CYP2J2: variants seen among roughly 807,000 people sequenced by gnomAD.
CYP2J2 encodes the protein cytochrome P450 family 2 subfamily J member 2, also known as cytochrome P450 2J2.
Under a neutral mutation model 48.8 loss-of-function variants are expected in CYP2J2, and 41 were observed. That is an observed-to-expected ratio of 0.84 (90% CI 0.66 to 1.09). The LOEUF is 1.09. CYP2J2 is among the 50% of genes least tolerant of loss of function. The pLI is 0.00. For missense variants in CYP2J2, 644 were observed against 617.3 expected (o/e 1.04, Z -0.46); for synonymous variants, 221 against 227.1 (o/e 0.97, Z 0.24).
chr1:59,924,761 A>C (rs929927764), intron 1 of CYP2J2, among the ~76,000 whole-genome samples: 4 of 152,090 alleles, frequency 2.6e-5, no homozygotes, highest in Non-Finnish European at 5.9e-5. Context: ...GGCATAAAAA[A>C]CAGGAAAAAC....
chr1:59,932,983 T>C, the CYP2J2 span, among the ~76,000 whole-genome samples: 1 of 152,278 alleles, frequency 6.6e-6, no homozygotes, highest in East Asian at 1.9e-4. Flanking sequence ...TTATTCTTAA[T>C]TGATTTAGCA....
chr1:59,904,955 C>T lies in CYP2J2; in HGVS notation c.1107G>A (p.Val369=). Reference sequence around the variant, plus strand: ...GGGGGATGATGTTGCCCATTCTCTGCACCTCATGGATGACAGCATTGGTGT... The same window carrying T: ...GGGGGATGATGTTGCCCATTCTCTGTACCTCATGGATGACAGCATTGGTGT... ...MPYTNAVIHE[V]QRMGNIIPLN... is the part of the protein sequence containing the mutation. The change falls in exon 7 of 9, where the codon GTG becomes GTA. Residue 369 remains valine, a synonymous_variant. Coordinates refer to ENST00000371204, the MANE Select transcript of CYP2J2 (RefSeq NM_000775.4). 6.2e-7 allele frequency: 1 copy of T among 1,613,770 alleles called. No individual in the cohort carries two copies. Among genetic ancestry groups the T allele is most frequent in the Non-Finnish European group, 8.5e-7 (1 of 1,179,902 alleles).
chr1:59,900,960 C>G lies in CYP2J2; in HGVS notation c.1330+5G>C. The G allele has an allele frequency of 6.2e-7, 1 of 1,613,518 alleles. No individual in the cohort carries two copies. The highest frequency in any genetic ancestry group is 1.1e-5 in the South Asian group (1 of 91,046). On this transcript the variant is annotated splice_donor_5th_base_variant and intron_variant, in intron 8 of 8. Transcript: ENST00000371204. Reference sequence around the variant, plus strand: ...ACTCCCACACACCTGTTTACTACAACTTACCTATTGAGAAAGGCATAAAGG... The same window carrying G: ...ACTCCCACACACCTGTTTACTACAAGTTACCTATTGAGAAAGGCATAAAGG...
rs1056340710 is a variant in CYP2J2, at chr1:59,911,707, G to A, written c.585C>T (p.Ile195=). The change falls in exon 4 of 9, where the codon ATC becomes ATT. Residue 195 remains isoleucine, a synonymous_variant. Coordinates refer to ENST00000371204, the MANE Select transcript of CYP2J2 (RefSeq NM_000775.4). ...GGTACTCAAAGCGTTCTCCGAAGGTGATGGAGCAAATGATATTGGAAACTG... is the reference window on the plus strand; with the variant it reads ...GGTACTCAAAGCGTTCTCCGAAGGTAATGGAGCAAATGATATTGGAAACTG... ...NNAVSNIICS[I]TFGERFEYQD... 4 of 1,613,586 alleles carry A rather than the reference G, an allele frequency of 2.5e-6. No homozygotes were observed. In the African/African-American group the frequency reaches 5.3e-5, roughly 22 times the overall value.
At chr1:59,898,289 C>A (rs11572316) in intron 8 of CYP2J2, among the ~76,000 whole-genome samples, 1,753 of 152,264 alleles carry the variant, frequency 0.012, 30 homozygotes, top group African/African-American at 0.04. Flanking sequence ...CCTTAAGAGG[C>A]CTGTGTGCTT....
At chr1:59,945,540 G>A in the CYP2J2 span, among the ~76,000 whole-genome samples, 1 of 151,938 alleles carries the variant, frequency 6.6e-6, no homozygotes, top group Non-Finnish European at 1.5e-5. Flanking sequence ...CTACTTATAT[G>A]CTAATATGAG....
At chr1:59,937,661 ATCTCTT>A in the CYP2J2 span, among the ~76,000 whole-genome samples, 9 of 152,114 alleles carry the variant, frequency 5.9e-5, no homozygotes, top group East Asian at 1.2e-3. Context: ...TTCTACCCCT[ATCTCTT>A]TCTCTATCTC....
the CYP2J2 span, among the ~76,000 whole-genome samples, chr1:59,932,077 G>C: frequency 6.6e-6 from 1 of 151,956 alleles, no homozygotes; most frequent in Admixed American, 6.6e-5. Flanking sequence ...GTTTGCTTAG[G>C]ATTTATTTTT....
intron 8 of CYP2J2, among the ~76,000 whole-genome samples, 173 bp from the exon 9 acceptor site, chr1:59,894,002 T>A (rs1053395778): frequency 3.3e-5 from 5 of 152,126 alleles, no homozygotes; most frequent in Admixed American, 6.6e-5. Flanking sequence ...GGTTCATCAA[T>A]GCATAGAAAG....
At chr1:59,898,131 G>A (rs952345409) in intron 8 of CYP2J2, among the ~76,000 whole-genome samples, 15 of 152,108 alleles carry the variant, frequency 9.9e-5, no homozygotes, top group African/African-American at 3.6e-4. Flanking sequence ...CCTCTCCTTG[G>A]ATCCACATCA....
At chr1:59,967,704 C>T in the CYP2J2 span, among the ~76,000 whole-genome samples, 1 of 152,248 alleles carries the variant, frequency 6.6e-6, no homozygotes, top group Non-Finnish European at 1.5e-5. Context: ...GAGCGCAGCT[C>T]ATTTCATGTC....
rs756944955 is a variant in CYP2J2, at chr1:59,900,996, C to A, written c.1299G>T (p.Lys433Asn). Residue 433 changes from lysine to asparagine, a missense_variant, in exon 8 of 9, where the codon AAG becomes AAT. Coordinates refer to ENST00000371204, the MANE Select transcript of CYP2J2 (RefSeq NM_000775.4). ...AGAAAGGCATAAAGGCTTCCCTTTT[C>A]TTAAACTGTCCATTCTCCAGAAAAT... ...PDHFLENGQF[K>N]KREAFMPFSI... is the part of the protein sequence containing the mutation. 1 of 1,614,158 alleles carries A rather than the reference C, an allele frequency of 6.2e-7. No individual in the cohort carries two copies. The highest frequency in any genetic ancestry group is 2.2e-5 in the East Asian group (1 of 44,880).
At chr1:59,917,596 A>G (rs1644477957) in intron 1 of CYP2J2, among the ~76,000 whole-genome samples, 1 of 152,190 alleles carries the variant, frequency 6.6e-6, no homozygotes, top group Non-Finnish European at 1.5e-5. Flanking sequence ...GACAGAGTGA[A>G]AGTAAGAATG....
At chr1:59,923,898 AAG>A (rs1644539048) in intron 1 of CYP2J2, among the ~76,000 whole-genome samples, 1 of 152,198 alleles carries the variant, frequency 6.6e-6, no homozygotes, top group African/African-American at 2.4e-5. Flanking sequence ...TATTTGAAGA[AAG>A]AGTGGCAGAA....
the CYP2J2 span, among the ~76,000 whole-genome samples, chr1:59,938,284 C>T: frequency 1.3e-5 from 2 of 152,170 alleles, no homozygotes; most frequent in African/African-American, 4.8e-5. Flanking sequence ...AACTGGCGCT[C>T]AGCATGCGGA....
At chr1:59,953,206 GCTCA>G in the CYP2J2 span, among the ~76,000 whole-genome samples, 2 of 152,218 alleles carry the variant, frequency 1.3e-5, no homozygotes, top group East Asian at 1.9e-4. Context: ...CTACTTGAAT[GCTCA>G]CTAAGTCCTC....
Position 59,908,636 on chromosome 1 carries a change from G to A in CYP2J2, c.862-709C>T, listed in dbSNP as rs576079561. 3.3e-5 allele frequency among the ~76,000 whole-genome samples: 5 copies of A among 152,276 alleles called. No individual in the cohort carries two copies. The East Asian group carries it at 7.7e-4, about 23-fold the overall frequency. On this transcript the variant is annotated intron_variant, in intron 5 of 8. Coordinates refer to ENST00000371204, the MANE Select transcript of CYP2J2 (RefSeq NM_000775.4). ...CAACATATAGCGAGTCTCCTCCTCT[G>A]AGGAGAAAACAATACTTCTATAAAT...
chr1:59,946,825 T>C, the CYP2J2 span, among the ~76,000 whole-genome samples: 1 of 152,192 alleles, frequency 6.6e-6, no homozygotes, highest in African/African-American at 2.4e-5. Context: ...TATGAAGATA[T>C]AATCTTTGAA....
intron 8 of CYP2J2, among the ~76,000 whole-genome samples, chr1:59,894,608 A>G (rs1037406825): frequency 1.2e-4 from 19 of 152,204 alleles, no homozygotes; most frequent in Non-Finnish European, 2.4e-4. Flanking sequence ...TCTAGGAATC[A>G]GTGAAAATGT....
Sources: gnomAD v4.1 joint callset for allele counts (sites outside exome capture counted in the v4.1 genomes callset) on GRCh38, gnomAD v4.1.1 for gene constraint, MANE v1.5 for transcripts, NCBI Gene and HGNC (gene_info 2026-07-23, HGNC 2026-07-21) for gene names.